Variants in ANK3 observed in about 807,000 individuals in gnomAD.
ANK3 encodes the protein ankyrin-3.
ANK3 carries 57 observed loss-of-function variants against 370.9 expected under a neutral mutation model. The observed-to-expected ratio is 0.15, with a 90% CI of 0.12 to 0.19. The LOEUF (loss-of-function observed/expected upper bound fraction) is 0.19, where lower values mean the gene tolerates loss of function less well. ANK3 is among the 10% of genes least tolerant of loss of function. ANK3 has a pLI of 1.00. For synonymous variants in ANK3, 1,929 were observed against 1,946.3 expected (o/e 0.99, Z 0.23); for missense variants, 4,439 against 5,302.1 (o/e 0.84, Z 5.06).
At chr10:60,358,312 G>C (rs1467804979) in intron 1 of ANK3, among the ~76,000 whole-genome samples, 1 of 152,112 alleles carries the variant, frequency 6.6e-6, no homozygotes, top group Non-Finnish European at 1.5e-5. Context: ...TATGTAGATA[G>C]GGCATGCAAT....
chr10:60,629,507 G>A (rs762778339), intron 1 of ANK3, among the ~76,000 whole-genome samples: 5 of 151,862 alleles, frequency 3.3e-5, no homozygotes, highest in African/African-American at 9.7e-5. Flanking sequence ...ACATAATGGC[G>A]GATTGTTGCC....
At chr10:60,380,788 T>C (rs552090262) in intron 1 of ANK3, among the ~76,000 whole-genome samples, 2 of 152,224 alleles carry the variant, frequency 1.3e-5, no homozygotes, top group East Asian at 1.9e-4. Flanking sequence ...TTCTTCTGTT[T>C]TGTTTAAGAC....
At chr10:60,196,698 AAAC>A in intron 14 of ANK3, 73 bp from the exon 15 acceptor site, 1 of 911,546 alleles carries the variant, frequency 1.1e-6, no homozygotes, top group Non-Finnish European at 1.7e-6. Flanking sequence ...AACCCAAACC[AAAC>A]AACAAACAAA....
chr10:60,626,120 A>G (rs2078406732), intron 1 of ANK3, among the ~76,000 whole-genome samples: 1 of 152,198 alleles, frequency 6.6e-6, no homozygotes, highest in South Asian at 2.1e-4. Context: ...TTAAAGGCAT[A>G]GAACAAAACA....
At chr10:60,415,101 G>T (rs1008229039) in intron 2 of ANK3, among the ~76,000 whole-genome samples, 2 of 152,104 alleles carry the variant, frequency 1.3e-5, no homozygotes, top group Non-Finnish European at 2.9e-5. Context: ...AAACCAGATT[G>T]TATTGTCAGC....
intron 42 of ANK3, among the ~76,000 whole-genome samples, chr10:60,046,808 A>ATTTTTT (rs10632318): frequency 2.2e-5 from 3 of 138,688 alleles, no homozygotes; most frequent in Non-Finnish European, 4.6e-5. Flanking sequence ...AGTAATCTCA[A>ATTTTTT]TTTTTTTTTT....
chr10:60,442,915 T>C (rs1227833509), intron 2 of ANK3, among the ~76,000 whole-genome samples: 1 of 152,222 alleles, frequency 6.6e-6, no homozygotes, highest in Non-Finnish European at 1.5e-5. Context: ...AAACTTAGAC[T>C]GCTAAATCAA....
intron 1 of ANK3, chr10:60,684,800 T>C (rs2079246359): frequency 1.9e-6 from 3 of 1,544,382 alleles, no homozygotes; most frequent in East Asian, 4.5e-5. Flanking sequence ...ATTTTATTTC[T>C]TATGGACTCT....
At chr10:60,595,937 A>G (rs1567170788) in intron 2 of ANK3, among the ~76,000 whole-genome samples, 1 of 152,158 alleles carries the variant, frequency 6.6e-6, no homozygotes, top group Non-Finnish European at 1.5e-5. Flanking sequence ...AAAGTAAAAC[A>G]AAAACAAACA....
rs144504794 is a variant in ANK3, at chr10:60,135,845, TAC to T, written c.2739-1474_2739-1473del. ...CATTAGAGGCCTCATTCTAAGTGTC[TAC>T]ACAGATAGGTACGTACATTCTTCTA... is the stretch of plus-strand genomic sequence containing the variant. On this transcript the variant is annotated intron_variant, in intron 24 of 43. Coordinates refer to ENST00000280772, the MANE Select transcript of ANK3 (RefSeq NM_020987.5). 8.1e-3 allele frequency among the ~76,000 whole-genome samples: 1,229 copies of T among 152,302 alleles called. 26 individuals carry two copies. Among genetic ancestry groups the T allele is most frequent in the African/African-American group, 0.028 (1,170 of 41,568 alleles).
At chr10:60,370,981 G>A (rs1471493100) in intron 1 of ANK3, among the ~76,000 whole-genome samples, 1 of 152,028 alleles carries the variant, frequency 6.6e-6, no homozygotes, top group Non-Finnish European at 1.5e-5. Flanking sequence ...TCAATACAAG[G>A]TATCACCACA....
At chr10:60,106,364 G>A (rs2132087366) in intron 27 of ANK3, among the ~76,000 whole-genome samples, 1 of 152,130 alleles carries the variant, frequency 6.6e-6, no homozygotes, top group African/African-American at 2.4e-5. Flanking sequence ...ACTTATTAAA[G>A]TAGACCATAA....
At chr10:60,335,339 C>T (rs2052563056) in intron 1 of ANK3, among the ~76,000 whole-genome samples, 1 of 151,378 alleles carries the variant, frequency 6.6e-6, no homozygotes, top group African/African-American at 2.4e-5. Context: ...TACTGTGGGA[C>T]ATTAAAAAAA....
In ANK3 at chr10:60,166,134, C is replaced by A. The variant is rs956760772; in HGVS notation, c.2614+457G>T. Among the ~76,000 whole-genome samples the A allele has an allele frequency of 3.3e-5, 5 of 151,612 alleles. No homozygotes were observed. The South Asian group carries it at 1.0e-3, about 32-fold the overall frequency. ...TTTTTTTTCAGGTTGTTTTCATTATCATTTCAAGATCAAAAGCTGCTTTTT... is the reference window on the plus strand; with the variant it reads ...TTTTTTTTCAGGTTGTTTTCATTATAATTTCAAGATCAAAAGCTGCTTTTT... On this transcript the variant is annotated intron_variant, in intron 23 of 43. Coordinates refer to ENST00000280772, the MANE Select transcript of ANK3 (RefSeq NM_020987.5).
At chr10:60,079,979 A>G (rs1438178259) in intron 36 of ANK3, among the ~76,000 whole-genome samples, 1 of 152,140 alleles carries the variant, frequency 6.6e-6, no homozygotes, top group Non-Finnish European at 1.5e-5. Context: ...TAGAACTGAT[A>G]TTTTAATAAA....
chr10:60,145,664 T>C (rs2094781178), intron 23 of ANK3, among the ~76,000 whole-genome samples: 1 of 152,184 alleles, frequency 6.6e-6, no homozygotes, highest in Non-Finnish European at 1.5e-5. Context: ...CAAGATTACT[T>C]AGAATATACA....
At chr10:60,420,898 A>C (rs2063764431) in intron 2 of ANK3, among the ~76,000 whole-genome samples, 1 of 152,162 alleles carries the variant, frequency 6.6e-6, no homozygotes, top group Admixed American at 6.6e-5. Context: ...ACAGATACTT[A>C]CTTGTGAAAT....
intron 2 of ANK3, among the ~76,000 whole-genome samples, chr10:60,493,839 T>C (rs2075587372): frequency 6.6e-6 from 1 of 152,142 alleles, no homozygotes; most frequent in South Asian, 2.1e-4. Context: ...GAATGAGAGA[T>C]TCTCAAACAC....
At chr10:60,165,566 T>C (rs1230907772) in intron 23 of ANK3, among the ~76,000 whole-genome samples, 3 of 152,168 alleles carry the variant, frequency 2.0e-5, no homozygotes, top group African/African-American at 7.2e-5. Context: ...GGGAAGTCAT[T>C]GATTGGATAA....
Sources: gnomAD v4.1 joint callset for allele counts (sites outside exome capture counted in the v4.1 genomes callset) on GRCh38, gnomAD v4.1.1 for gene constraint, MANE v1.5 for transcripts, NCBI Gene and HGNC (gene_info 2026-07-23, HGNC 2026-07-21) for gene names.